The following LRBA variants were observed in gnomAD, a reference collection of about 807,000 sequenced individuals.
LRBA encodes the protein lipopolysaccharide-responsive and beige-like anchor protein.
In LRBA, 176 loss-of-function variants were observed where a neutral mutation model predicts 330.0. That is an observed-to-expected ratio of 0.53 (90% CI 0.47 to 0.60). The LOEUF (loss-of-function observed/expected upper bound fraction) is 0.60, where lower values mean the gene tolerates loss of function less well. Ranked by LOEUF, LRBA falls within the 20% of genes least tolerant of loss-of-function variation. LRBA has a pLI of 0.00. For synonymous variants in LRBA, 1,230 were observed against 1,193.0 expected, an observed-to-expected ratio of 1.03 and a Z score of -0.64; for missense variants, 3,259 against 3,444.8, an observed-to-expected ratio of 0.95 and a Z score of 1.35.
At chr4:150,794,694 T>G (rs1269699132) in intron 34 of LRBA, among the ~76,000 whole-genome samples, 5 of 152,138 alleles carry the variant, frequency 3.3e-5, no homozygotes, top group Non-Finnish European at 7.4e-5. Context: ...TTGAAAAATT[T>G]TTTAAAGAAT....
intron 32 of LRBA, among the ~76,000 whole-genome samples, chr4:150,807,294 T>G (rs974004133): frequency 2.6e-5 from 4 of 152,184 alleles, no homozygotes; most frequent in Non-Finnish European, 4.4e-5. Context: ...TATAAATTTT[T>G]GCTGTGAATA....
At chr4:150,797,192 A>G (rs17027106) in intron 34 of LRBA, among the ~76,000 whole-genome samples, 4,217 of 152,056 alleles carry the variant, frequency 0.028, 183 homozygotes, top group African/African-American at 0.096. Context: ...TAAATTTGGC[A>G]TATAGGCACT....
At chr4:150,569,527 T>C (rs1413998527) in intron 40 of LRBA, among the ~76,000 whole-genome samples, 2 of 152,130 alleles carry the variant, frequency 1.3e-5, no homozygotes, top group African/African-American at 4.8e-5. Flanking sequence ...GGCTTGCCAT[T>C]TCATCCAGAC....
At chr4:150,686,317 C>T (rs1454695096) in intron 36 of LRBA, among the ~76,000 whole-genome samples, 1 of 152,072 alleles carries the variant, frequency 6.6e-6, no homozygotes, top group Non-Finnish European at 1.5e-5. Flanking sequence ...ACTAGAATAA[C>T]TCATGAGAAA....
chr4:150,918,965 T>C (rs1361929341), intron 5 of LRBA, among the ~76,000 whole-genome samples: 3 of 152,142 alleles, frequency 2.0e-5, no homozygotes, highest in Non-Finnish European at 4.4e-5. Flanking sequence ...CTAATGTCCA[T>C]AACAGCATTA....
intron 2 of LRBA, among the ~76,000 whole-genome samples, chr4:150,977,021 C>A (rs1335414912): frequency 6.6e-6 from 1 of 152,174 alleles, no homozygotes; most frequent in African/African-American, 2.4e-5. Context: ...TCTAAATAAA[C>A]TTGAAGGGCA....
chr4:150,853,628 T>C (rs1402924579), intron 22 of LRBA, among the ~76,000 whole-genome samples: 1 of 152,206 alleles, frequency 6.6e-6, no homozygotes, highest in Non-Finnish European at 1.5e-5. Context: ...TGAACATTCC[T>C]ATATCATGCT....
At chr4:150,353,596 G>A (rs977090747) in intron 47 of LRBA, among the ~76,000 whole-genome samples, 1 of 152,080 alleles carries the variant, frequency 6.6e-6, no homozygotes, top group Non-Finnish European at 1.5e-5. Context: ...GTTAGATTTC[G>A]ATGCTTAAAG....
chr4:150,677,007 A>G (rs966858979), intron 37 of LRBA, among the ~76,000 whole-genome samples: 2 of 152,152 alleles, frequency 1.3e-5, no homozygotes, highest in African/African-American at 4.8e-5. Flanking sequence ...CATAGTTTAC[A>G]ACTAGTTATG....
In LRBA at chr4:150,852,386, A is replaced by G. The variant is rs1234277565; in HGVS notation, c.3324T>C (p.Asp1108=). 29 of 1,613,540 alleles carry G rather than the reference A, an allele frequency of 1.8e-5. No homozygotes were observed. Among genetic ancestry groups the G allele is most frequent in the Non-Finnish European group, 2.3e-5 (27 of 1,179,912 alleles). Residue 1108 remains aspartate, a synonymous_variant, in exon 23 of 57, where the codon GAT becomes GAC. Transcript: ENST00000651943. The part of the protein sequence containing the change: ...DKSIVEEEED[D]DYVELKVEGS... ...CTTCTACTTTCAGTTCCACATAATC[A>G]TCATCTTCCTCTTCCTCTACTATAG...
chr4:150,318,215 A>G (rs1731983481), intron 50 of LRBA, among the ~76,000 whole-genome samples: 1 of 152,166 alleles, frequency 6.6e-6, no homozygotes, highest in Admixed American at 6.6e-5. Flanking sequence ...GCCACCAGTT[A>G]GAATTTTTTT....
intron 40 of LRBA, among the ~76,000 whole-genome samples, chr4:150,499,067 G>T (rs148057111): frequency 9.3e-4 from 142 of 152,114 alleles, no homozygotes; most frequent in Middle Eastern, 3.4e-3. Flanking sequence ...GGCTAAGAAA[G>T]CCATTTATCT....
intron 37 of LRBA, among the ~76,000 whole-genome samples, chr4:150,645,151 T>C (rs1779008027): frequency 1.3e-5 from 2 of 148,884 alleles, no homozygotes; most frequent in Non-Finnish European, 3.0e-5. Context: ...AAAAAAAAAA[T>C]CTTAACAGTG....
chr4:150,332,489 C>A (rs973915559), intron 48 of LRBA, among the ~76,000 whole-genome samples: 1 of 152,130 alleles, frequency 6.6e-6, no homozygotes, highest in Non-Finnish European at 1.5e-5. Flanking sequence ...TCAGAGACTG[C>A]CTAATATTTC....
chr4:150,661,885 G>T (rs568566210), intron 37 of LRBA, among the ~76,000 whole-genome samples: 16 of 152,236 alleles, frequency 1.1e-4, no homozygotes, highest in Non-Finnish European at 2.1e-4. Context: ...CTCCCAAACT[G>T]CTGGGATTAC....
intron 22 of LRBA, among the ~76,000 whole-genome samples, chr4:150,858,051 T>C (rs1258431295): frequency 6.6e-6 from 1 of 152,196 alleles, no homozygotes; most frequent in South Asian, 2.1e-4. Context: ...GTTAATAAGT[T>C]ATACATAGGT....
intron 40 of LRBA, among the ~76,000 whole-genome samples, chr4:150,568,502 A>G (rs1418869248): frequency 6.6e-6 from 1 of 152,162 alleles, no homozygotes; most frequent in African/African-American, 2.4e-5. Flanking sequence ...TCTAGCAGGC[A>G]GCACGTAAGT....
In LRBA at chr4:150,286,038, T is replaced by C. The variant is rs1447200801; in HGVS notation, c.8018-4A>G. 1.3e-6 allele frequency: 2 copies of C among 1,543,670 alleles called. No homozygotes were observed. Among genetic ancestry groups the C allele is most frequent in the African/African-American group, 1.4e-5 (1 of 72,844 alleles). On this transcript the variant is annotated splice_region_variant and splice_polypyrimidine_tract_variant and intron_variant, in intron 53 of 56. Transcript: ENST00000651943. ...GCCCGAGGAGCAGCAGTCTCACCTT[T>C]AGGAAAAAACAGATAAAAAGAACAA...
intron 54 of LRBA, among the ~76,000 whole-genome samples, chr4:150,283,074 G>A (rs748545441): frequency 1.3e-5 from 2 of 152,194 alleles, no homozygotes; most frequent in African/African-American, 2.4e-5. Context: ...CAACGGCCAC[G>A]GCACTGTGGG....
Sources: allele counts gnomAD v4.1 joint callset (sites outside exome capture counted in the v4.1 genomes callset), GRCh38; gene constraint gnomAD v4.1.1; transcripts MANE v1.5; gene names NCBI Gene and HGNC (gene_info 2026-07-23, HGNC 2026-07-21).